Variants in NT5DC1 observed in about 807,000 individuals in gnomAD.
NT5DC1 encodes 5'-nucleotidase domain-containing protein 1.
A neutral mutation model predicts 59.4 loss-of-function variants in NT5DC1; 42 were observed. The ratio of observed to expected loss-of-function variants is 0.71; its 90% confidence interval spans 0.55 to 0.92. The LOEUF (loss-of-function observed/expected upper bound fraction) is 0.92. Ranked by LOEUF, NT5DC1 falls within the 40% of genes least tolerant of loss-of-function variation. The probability of loss-of-function intolerance (pLI) is 0.00; values close to 1 mark genes in which losing one functional copy is unlikely to be tolerated. For missense variants in NT5DC1, 501 were observed against 537.1 expected (o/e 0.93, Z 0.66); for synonymous variants, 172 against 188.1 (o/e 0.91, Z 0.70).
intron 6 of NT5DC1, among the ~76,000 whole-genome samples, chr6:116,163,379 G>A (rs1411176008): frequency 6.6e-6 from 1 of 151,498 alleles, no homozygotes; most frequent in Non-Finnish European, 1.5e-5. Flanking sequence ...AAATTTATTT[G>A]TTTCCTCTAA....
rs376133972 is a variant in NT5DC1 at position 116,120,228 on chromosome 6, T to C, written c.529+2283T>C. The stretch of plus-strand genomic sequence containing the variant: ...CCTGAAGCCTGATCCAGGTAGCCTT[T>C]GGTGTATTCATCATAGGTGTACATT... On this transcript the variant is annotated intron_variant, in intron 6 of 11. Coordinates refer to ENST00000319550, the MANE Select transcript of NT5DC1 (RefSeq NM_152729.3). 5 of 1,614,090 alleles carry C rather than the reference T, an allele frequency of 3.1e-6. No homozygotes were observed. Among genetic ancestry groups the C allele is most frequent in the Non-Finnish European group, 4.2e-6 (5 of 1,180,034 alleles).
intron 6 of NT5DC1, among the ~76,000 whole-genome samples, chr6:116,171,194 G>A (rs866625631): frequency 1.3e-5 from 2 of 151,840 alleles, no homozygotes; most frequent in African/African-American, 2.4e-5. Context: ...TTATATTATT[G>A]TCACCACTAC....
At chr6:116,236,620 G>A (rs768110399) in intron 8 of NT5DC1, among the ~76,000 whole-genome samples, 1 of 152,126 alleles carries the variant, frequency 6.6e-6, no homozygotes, top group Non-Finnish European at 1.5e-5. Context: ...CTTTCATTGT[G>A]TTATTTATTT....
intron 6 of NT5DC1, among the ~76,000 whole-genome samples, chr6:116,191,567 A>G (rs1781117414): frequency 6.6e-6 from 1 of 152,082 alleles, no homozygotes; most frequent in Non-Finnish European, 1.5e-5. Context: ...ATACCTTAAA[A>G]TAGCCACATC....
chr6:116,228,106 T>C (rs1781944387), intron 8 of NT5DC1, among the ~76,000 whole-genome samples: 1 of 152,252 alleles, frequency 6.6e-6, no homozygotes, highest in Non-Finnish European at 1.5e-5. Context: ...TCTGGATTGA[T>C]GAAGCAGGAC....
Position 116,229,374 on chromosome 6 carries a change from G to C in NT5DC1, c.802+6243G>C, listed in dbSNP as rs544161280. Among the ~76,000 whole-genome samples the C allele has an allele frequency of 1.2e-3, 189 of 152,284 alleles. 1 individual carries two copies. Among genetic ancestry groups the C allele is most frequent in the Middle Eastern group, 3.4e-3 (1 of 294 alleles). ...AAAGTAAAGTTAATGCAACTGAGCT[G>C]GCTGGGATGGAAGGCACAGCGAGCC... On this transcript the variant is annotated intron_variant, in intron 8 of 11. Transcript: ENST00000319550.
chr6:116,156,553 A>G (rs1256211749), intron 6 of NT5DC1, among the ~76,000 whole-genome samples: 1 of 152,216 alleles, frequency 6.6e-6, no homozygotes, highest in Non-Finnish European at 1.5e-5. Flanking sequence ...GACCGATTAC[A>G]TGTGCTAATT....
intron 8 of NT5DC1, among the ~76,000 whole-genome samples, chr6:116,233,475 G>C (rs1192680067): frequency 2.0e-5 from 3 of 152,154 alleles, no homozygotes; most frequent in African/African-American, 7.2e-5. Flanking sequence ...TTGTTCGTTT[G>C]CGGGTGTCCT....
chr6:116,125,554 A>AT, intron 6 of NT5DC1: 6 of 1,551,778 alleles, frequency 3.9e-6, no homozygotes, highest in Non-Finnish European at 4.4e-6. Flanking sequence ...TTATTAACCT[A>AT]TTTTTTTATT....
At chr6:116,200,484 G>A (rs925285659) in intron 6 of NT5DC1, among the ~76,000 whole-genome samples, 4 of 152,034 alleles carry the variant, frequency 2.6e-5, no homozygotes, top group Non-Finnish European at 5.9e-5. Flanking sequence ...GAAATTGAGT[G>A]TGAGGTGTAT....
intron 6 of NT5DC1, among the ~76,000 whole-genome samples, chr6:116,191,154 T>C (rs1437753524): frequency 1.3e-5 from 2 of 152,010 alleles, no homozygotes; most frequent in Non-Finnish European, 2.9e-5. Flanking sequence ...TCTACTCATG[T>C]AACCTTATTC....
chr6:116,120,588 G>A (rs1436011097), intron 6 of NT5DC1: 1 of 1,591,538 alleles, frequency 6.3e-7, no homozygotes, highest in Non-Finnish European at 8.5e-7. Flanking sequence ...GGAGGCCCAG[G>A]GGGCCCTGGA....
At chr6:116,237,528 A>G in intron 9 of NT5DC1, 1 of 457,218 alleles carries the variant, frequency 2.2e-6, no homozygotes, top group Non-Finnish European at 4.4e-6. Context: ...ATTGGCTGTC[A>G]CCATGCCACA....
chr6:116,130,676 T>C (rs1478071433), intron 6 of NT5DC1, among the ~76,000 whole-genome samples: 1 of 152,046 alleles, frequency 6.6e-6, no homozygotes, highest in East Asian at 1.9e-4. Context: ...ATATAAGATA[T>C]ATGATAACAT....
intron 6 of NT5DC1, among the ~76,000 whole-genome samples, chr6:116,168,424 C>A (rs1780526989): frequency 6.6e-6 from 1 of 151,886 alleles, no homozygotes; most frequent in African/African-American, 2.4e-5. Context: ...TTTTTCAGTT[C>A]TAGAATTCCA....
At position 116,123,734 on chromosome 6, in the gene NT5DC1, A is replaced by G. The variant is rs75218034; in HGVS notation, c.529+5789A>G. ...AGTGTAGTTGAGTGTCTATCTAAAA[A>G]GAGACTAAGGTGGATTTAGTAGTTT... On this transcript the variant is annotated intron_variant, in intron 6 of 11. Transcript: ENST00000319550. 9.2e-5 allele frequency among the ~76,000 whole-genome samples: 14 copies of G among 152,366 alleles called. No homozygotes were observed. The East Asian group carries it at 2.7e-3, about 29-fold the overall frequency.
intron 1 of NT5DC1, among the ~76,000 whole-genome samples, chr6:116,104,268 C>G (rs541341903): frequency 1.3e-5 from 2 of 152,326 alleles, no homozygotes; most frequent in South Asian, 2.1e-4. Context: ...CCCCTTCTCT[C>G]CTGTTACAGA....
rs552884856 is a variant in NT5DC1 at position 116,174,321 on chromosome 6, A to G, written c.530-46733A>G. The stretch of plus-strand genomic sequence containing the variant: ...TCCCCTGCCTGAAGTAGAAAAAAAT[A>G]TACTTATTTGGAAATCTTCCGTAAG... On this transcript the variant is annotated intron_variant, in intron 6 of 11. Transcript: ENST00000319550. Among the ~76,000 whole-genome samples the G allele has an allele frequency of 2.0e-5, 3 of 152,322 alleles. No individual in the cohort carries two copies. In the East Asian group the frequency reaches 5.8e-4, roughly 29 times the overall value.
intron 6 of NT5DC1, among the ~76,000 whole-genome samples, chr6:116,151,961 A>G (rs1304674448): frequency 6.6e-6 from 1 of 152,216 alleles, no homozygotes; most frequent in African/African-American, 2.4e-5. Context: ...ATTGATGCCA[A>G]CTTTATTGAA....
Sources: allele counts gnomAD v4.1 joint callset (sites outside exome capture counted in the v4.1 genomes callset), GRCh38; gene constraint gnomAD v4.1.1; transcripts MANE v1.5; gene names NCBI Gene and HGNC (gene_info 2026-07-23, HGNC 2026-07-21).